FBXL4: variants seen among roughly 807,000 people sequenced by gnomAD.
FBXL4 encodes the protein F-box and leucine rich repeat protein 4.
FBXL4 carries 40 observed loss-of-function variants against 58.9 expected under a neutral mutation model. The ratio of observed to expected loss-of-function variants is 0.68; its 90% CI spans 0.53 to 0.88. The LOEUF (loss-of-function observed/expected upper bound fraction) is 0.88. Among genes scored for constraint, FBXL4 ranks in the 40% least tolerant of loss-of-function variants. FBXL4 has a pLI of 0.00. For missense variants in FBXL4, 676 were observed against 734.4 expected (o/e 0.92, Z 0.92); for synonymous variants, 263 against 265.5 (o/e 0.99, Z 0.09).
intron 7 of FBXL4, among the ~76,000 whole-genome samples, chr6:98,895,682 G>C (rs1448328183): frequency 1.3e-5 from 2 of 152,112 alleles, no homozygotes; most frequent in African/African-American, 4.8e-5. Context: ...CTGGTGTAAA[G>C]AAATAATAAT....
intron 5 of FBXL4, among the ~76,000 whole-genome samples, chr6:98,909,740 C>A (rs895360807): frequency 4.6e-5 from 7 of 152,102 alleles, no homozygotes; most frequent in African/African-American, 1.7e-4. Flanking sequence ...CCTCTCTCTC[C>A]CCAAACCCAG....
In FBXL4 at chr6:98,899,361, G is replaced by A. The variant is rs771478220; in HGVS notation, c.1224C>T (p.Leu408=). 1 of 1,613,848 alleles carries A rather than the reference G, an allele frequency of 6.2e-7. No individual in the cohort carries two copies. The highest frequency in any genetic ancestry group is 1.3e-5 in the African/African-American group (1 of 74,910). ...EMCPNLQALN[L]SSCDKLPPQA... ...GAGGTGGTAGCTTATCACAGGAGGAGAGATTTAAGGCCTGTAGATTTGGAC... is the reference window on the plus strand; with the variant it reads ...GAGGTGGTAGCTTATCACAGGAGGAAAGATTTAAGGCCTGTAGATTTGGAC... The change falls in exon 7 of 10, where the codon CTC becomes CTT. Residue 408 remains leucine (L), a synonymous_variant. Transcript: ENST00000369244.
intron 6 of FBXL4, among the ~76,000 whole-genome samples, chr6:98,902,654 G>A (rs1295810018): frequency 1.3e-5 from 2 of 151,686 alleles, no homozygotes; most frequent in Non-Finnish European, 2.9e-5. Flanking sequence ...CATAACTGAG[G>A]GGGAGATCAA....
In FBXL4 at chr6:98,871,125, G is replaced by C. The variant is rs1230666190; in HGVS notation, c.*3153C>G. On this transcript the variant is annotated 3_prime_UTR_variant, in exon 10 of 10. Coordinates refer to ENST00000369244, the MANE Select transcript of FBXL4 (RefSeq NM_001278716.2). ...ACTCAAAAATGAAAATAAAGTTGCA[G>C]CCAAAGTGACTCAGATGTTAACCAA... 6.6e-6 allele frequency: 1 copy of C among 151,130 alleles called. No homozygotes were observed. The highest frequency in any genetic ancestry group is 1.5e-5 in the Non-Finnish European group (1 of 67,842). The allele number at this position is 151,130 out of a possible 1,614,324, so 9.4% of individuals were successfully genotyped here. A position where few individuals can be genotyped will look rare whatever the true frequency, so the allele number is the denominator to read the frequency against.
rs1770642764 is a variant in FBXL4 at position 98,875,815 on chromosome 6, T to C, written c.1390-88A>G. The C allele has an allele frequency of 9.3e-6, 12 of 1,292,444 alleles. No individual in the cohort carries two copies. The Admixed American group carries it at 2.3e-4, about 25-fold the overall frequency. The allele number at this position is 1,292,444 out of a possible 1,614,324, so 80.1% of individuals were successfully genotyped here. ...AAGTCAGATTCTTAATTATAACCTA[T>C]TGCTTTGCTTCCATGTAAACAAATC... On this transcript the variant is annotated intron_variant, in intron 8 of 9. Coordinates refer to ENST00000369244, the MANE Select transcript of FBXL4 (RefSeq NM_001278716.2).
At chr6:98,917,847 T>A in intron 4 of FBXL4, 128 bp from the exon 5 acceptor site, 1 of 631,334 alleles carries the variant, frequency 1.6e-6, no homozygotes, top group Non-Finnish European at 2.5e-6. Context: ...GAATCCAATA[T>A]AAGTATTGTT....
At chr6:98,881,664 A>AAAATAATAAT (rs1286756077) in intron 7 of FBXL4, among the ~76,000 whole-genome samples, 6 of 152,062 alleles carry the variant, frequency 3.9e-5, no homozygotes, top group African/African-American at 1.4e-4. Context: ...ACTTAAAGCA[A>AAAATAATAAT]AAATAATAAT....
intron 7 of FBXL4, among the ~76,000 whole-genome samples, chr6:98,895,200 G>A (rs1771369821): frequency 2.0e-5 from 3 of 152,292 alleles, no homozygotes; most frequent in South Asian, 4.1e-4. Flanking sequence ...AGTTAATTAT[G>A]TATTGATTCT....
intron 1 of FBXL4, among the ~76,000 whole-genome samples, chr6:98,946,833 T>C (rs752973163): frequency 3.1e-4 from 47 of 152,338 alleles, no homozygotes; most frequent in Middle Eastern, 3.4e-3. Context: ...TAAAGGACTA[T>C]TGGAGCGCTG....
chr6:98,939,104 A>G (rs1773334818), intron 1 of FBXL4, among the ~76,000 whole-genome samples: 1 of 144,226 alleles, frequency 6.9e-6, no homozygotes. Context: ...AAAAAAAAAG[A>G]GAAGAGAAAG....
chr6:98,871,655 A>T lies in FBXL4; in HGVS notation c.*2623T>A, dbSNP rs1199778845. 6.6e-6 allele frequency: 1 copy of T among 152,224 alleles called. No homozygotes were observed. The allele number at this position is 152,224 out of a possible 1,614,324, so 9.4% of individuals were successfully genotyped here. A position where few individuals can be genotyped will look rare whatever the true frequency, so the allele number is the denominator to read the frequency against. On this transcript the variant is annotated 3_prime_UTR_variant, in exon 10 of 10. Coordinates refer to ENST00000369244, the MANE Select transcript of FBXL4 (RefSeq NM_001278716.2). ...GTTATTTACTGTATTATTCATCAGC[A>T]GGTACTTTGTGGGATATATTTGATT...
chr6:98,895,619 A>G (rs1771382966), intron 7 of FBXL4, among the ~76,000 whole-genome samples: 1 of 152,208 alleles, frequency 6.6e-6, no homozygotes, highest in Admixed American at 6.5e-5. Context: ...TAATCTTTTG[A>G]GACCATAATT....
intron 2 of FBXL4, among the ~76,000 whole-genome samples, chr6:98,928,368 G>A (rs905637394): frequency 4.0e-5 from 6 of 150,342 alleles, no homozygotes; most frequent in African/African-American, 1.2e-4. Flanking sequence ...CTCTCTTGCC[G>A]CCCAGGCTGG....
chr6:98,876,887 CAA>C (rs1207131680), intron 8 of FBXL4, among the ~76,000 whole-genome samples: 1 of 152,084 alleles, frequency 6.6e-6, no homozygotes, highest in African/African-American at 2.4e-5. Flanking sequence ...ATTTTTCTTT[CAA>C]GTACTAAGGA....
At position 98,917,691 on chromosome 6, in the gene FBXL4, T is replaced by C. The variant is rs150748757; in HGVS notation, c.541A>G (p.Thr181Ala). The change falls in exon 5 of 10, where the codon ACG (threonine) becomes GCG (alanine). Residue 181 changes from threonine to alanine, a missense_variant. Thr to Ala is a moderately conservative substitution (Grantham distance 58, BLOSUM62 0). Coordinates refer to ENST00000369244, the MANE Select transcript of FBXL4 (RefSeq NM_001278716.2). Reference protein sequence around the residue: ...RWEILWSERPTKVNASQARQF... With the variant: ...RWEILWSERPAKVNASQARQF... ...CGAGCTTGGGAAGCATTCACCTTCG[T>C]AGGTCTCTCTGACCAAAGAATCTCC... is the stretch of plus-strand genomic sequence containing the variant. 523 of 1,609,042 alleles carry C rather than the reference T, an allele frequency of 3.3e-4. No individual in the cohort carries two copies. Among genetic ancestry groups the C allele is most frequent in the Middle Eastern group, 8.3e-4 (5 of 6,022 alleles).
chr6:98,888,770 G>A (rs1343742620), intron 7 of FBXL4, among the ~76,000 whole-genome samples: 2 of 152,166 alleles, frequency 1.3e-5, no homozygotes, highest in East Asian at 3.9e-4. Context: ...ATTCACTAAG[G>A]AGTGACTGGG....
chr6:98,876,707 G>A (rs1327764303), intron 8 of FBXL4, among the ~76,000 whole-genome samples: 1 of 152,156 alleles, frequency 6.6e-6, no homozygotes, highest in Non-Finnish European at 1.5e-5. Flanking sequence ...TGATCAGAGT[G>A]TCACGGGTTG....
chr6:98,932,900 T>C (rs1372253876), intron 2 of FBXL4, among the ~76,000 whole-genome samples: 10 of 144,482 alleles, frequency 6.9e-5, no homozygotes, highest in Non-Finnish European at 1.4e-4. Context: ...GACATGTCAA[T>C]GAAGTCATAG....
At chr6:98,927,973 ATGT>A (rs1005613060) in intron 2 of FBXL4, among the ~76,000 whole-genome samples, 151 bp from the exon 3 acceptor site, 9 of 152,262 alleles carry the variant, frequency 5.9e-5, no homozygotes, top group Non-Finnish European at 1.5e-5. Context: ...TATTTTTTAA[ATGT>A]TATGATAGAA....
Sources: allele counts gnomAD v4.1 joint callset (sites outside exome capture counted in the v4.1 genomes callset), GRCh38; gene constraint gnomAD v4.1.1; transcripts MANE v1.5; gene names NCBI Gene and HGNC (gene_info 2026-07-23, HGNC 2026-07-21).